Variants in ELF2 observed in about 807,000 individuals in gnomAD.
ELF2 encodes the protein E74 like ETS transcription factor 2.
Under a neutral mutation model 54.8 loss-of-function variants are expected in ELF2, and 11 were observed. The ratio of observed to expected loss-of-function variants is 0.20; its 90% CI spans 0.13 to 0.33. The LOEUF is 0.33. ELF2 is among the 10% of genes least tolerant of loss of function. The pLI, the probability that ELF2 is intolerant of heterozygous loss-of-function variation, is 1.00. For synonymous variants in ELF2, 203 were observed against 245.1 expected (o/e 0.83, Z 1.61); for missense variants, 513 against 703.0 (o/e 0.73, Z 3.06).
At chr4:139,111,225 TTGTA>T (rs1288911467) in intron 4 of ELF2, among the ~76,000 whole-genome samples, 2 of 152,232 alleles carry the variant, frequency 1.3e-5, no homozygotes, top group Non-Finnish European at 2.9e-5. Context: ...CAGCAGTTGT[TTGTA>T]TGCAGCGCTG....
chr4:139,095,032 T>C (rs1266951501), intron 4 of ELF2, among the ~76,000 whole-genome samples: 1 of 152,122 alleles, frequency 6.6e-6, no homozygotes, highest in Non-Finnish European at 1.5e-5. Flanking sequence ...TTAAGTCATC[T>C]GTAAATAATA....
At chr4:139,132,872 AT>A (rs1298919666) in intron 3 of ELF2, among the ~76,000 whole-genome samples, 31 of 90,816 alleles carry the variant, frequency 3.4e-4, no homozygotes, top group Non-Finnish European at 5.0e-4. Flanking sequence ...ATATATATAT[AT>A]AAAATATGTA....
chr4:139,068,309 G>A (rs1729017239), intron 6 of ELF2, among the ~76,000 whole-genome samples: 1 of 152,204 alleles, frequency 6.6e-6, no homozygotes, highest in Non-Finnish European at 1.5e-5. Flanking sequence ...GTGAGCCACT[G>A]TACCCGGCCT....
intron 3 of ELF2, among the ~76,000 whole-genome samples, chr4:139,134,515 C>T (rs1259688678): frequency 6.8e-6 from 1 of 147,862 alleles, no homozygotes; most frequent in Non-Finnish European, 1.5e-5. Flanking sequence ...TGCTACCATG[C>T]CTGGCTAGTA....
At chr4:139,084,068 C>G (rs1168671457) in intron 4 of ELF2, 1 of 1,609,792 alleles carries the variant, frequency 6.2e-7, no homozygotes, top group East Asian at 2.2e-5. Context: ...GGGAGTCACC[C>G]CGCCTTCTGT....
intron 4 of ELF2, among the ~76,000 whole-genome samples, chr4:139,074,901 G>GT (rs1730072416): frequency 6.6e-6 from 1 of 152,204 alleles, no homozygotes; most frequent in South Asian, 2.1e-4. Flanking sequence ...TATCTGCCAG[G>GT]TGGAGGAGAC....
chr4:139,125,248 G>C lies in ELF2; in HGVS notation c.154C>G (p.Gln52Glu), dbSNP rs1736800077. Residue 52 changes from glutamine (Q) to glutamate (E), a missense_variant, in exon 4 of 10, where the codon CAG becomes GAG. Gln to Glu is a conservative substitution (Grantham distance 29). Transcript: ENST00000686138. The part of the protein sequence containing the change: ...SARLEQGYAA[Q>E]VLVYDDETYM... Reference sequence around the variant, plus strand: ...GTCTCATCATCATAAACCAGAACCTGGGCTGCATAGCCCTGCTCTAATCTG... The same window carrying C: ...GTCTCATCATCATAAACCAGAACCTCGGCTGCATAGCCCTGCTCTAATCTG... 1 of 1,613,816 alleles carries C rather than the reference G, an allele frequency of 6.2e-7. No individual in the cohort carries two copies. The highest frequency in any genetic ancestry group is 8.5e-7 in the Non-Finnish European group (1 of 1,179,924).
chr4:139,132,749 TATTTACCTAAG>T (rs1476987084), intron 3 of ELF2, among the ~76,000 whole-genome samples: 1 of 151,340 alleles, frequency 6.6e-6, no homozygotes, highest in Non-Finnish European at 1.5e-5. Context: ...TTCCATTACA[TATTTACCTAAG>T]AGTCAAATTA....
intron 7 of ELF2, chr4:139,066,484 A>G (rs1196016588): frequency 6.6e-6 from 1 of 152,022 alleles, no homozygotes; most frequent in Non-Finnish European, 1.5e-5. Context: ...AATAAAAATA[A>G]TTTTAAAAAG....
chr4:139,153,974 C>CT lies in ELF2; in HGVS notation c.-251-14478dup, dbSNP rs1192850826. On this transcript the variant is annotated intron_variant, in intron 1 of 9. Transcript: ENST00000686138. ...TTCTTTCCCCTTTCCCTACTGTCCC[C>CT]TTTTTCCCCTTTAAAGGTTGAAGCC... 7.2e-5 allele frequency among the ~76,000 whole-genome samples: 11 copies of CT among 152,300 alleles called. No individual in the cohort carries two copies. The East Asian group carries it at 2.1e-3, about 29-fold the overall frequency.
At position 139,060,573 on chromosome 4, in the gene ELF2, T is replaced by C. The variant is rs1365100753; in HGVS notation, c.908A>G (p.Lys303Arg). The stretch of plus-strand genomic sequence containing the variant: ...TAAATCTTCATTACAGGTTTCACTT[T>C]TGTCATCATCTATGACCACTATGTT... ...PKNIVVIDDD[K>R]SETCNEDLAG... is the part of the protein sequence containing the mutation. Residue 303 changes from lysine to arginine, a missense_variant, in exon 9 of 10, where the codon AAA (lysine) becomes AGA (arginine). Transcript: ENST00000686138. 3.7e-6 allele frequency: 6 copies of C among 1,614,116 alleles called. No homozygotes were observed. Among genetic ancestry groups the C allele is most frequent in the Admixed American group, 3.3e-5 (2 of 60,014 alleles).
intron 4 of ELF2, among the ~76,000 whole-genome samples, chr4:139,094,940 C>T (rs1733091202): frequency 1.3e-5 from 2 of 151,680 alleles, no homozygotes; most frequent in African/African-American, 2.4e-5. Flanking sequence ...TTGATTATTG[C>T]TCTTGCATAC....
rs1560855444 is a variant in ELF2 at position 139,137,728 on chromosome 4, G to C, written c.-27C>G. On this transcript the variant is annotated 5_prime_UTR_variant, in exon 3 of 10. Coordinates refer to ENST00000686138, the MANE Select transcript of ELF2 (RefSeq NM_001331036.3). ...GTTATTCCCTGAGGAAGCTTCAAACGCTATTAATCAATGAAATTAAAGGTT... is the reference window on the plus strand; with the variant it reads ...GTTATTCCCTGAGGAAGCTTCAAACCCTATTAATCAATGAAATTAAAGGTT... 1 of 1,612,452 alleles carries C rather than the reference G, an allele frequency of 6.2e-7. No individual in the cohort carries two copies. Among genetic ancestry groups the C allele is most frequent in the African/African-American group, 1.3e-5 (1 of 74,856 alleles).
chr4:139,116,896 T>C (rs1735774139), intron 4 of ELF2: 1 of 171,844 alleles, frequency 5.8e-6, no homozygotes, highest in Non-Finnish European at 1.1e-5. Flanking sequence ...TTTGGCTCCT[T>C]ATCTTATTTT....
chr4:139,134,341 CTG>C (rs1445877333), intron 3 of ELF2, among the ~76,000 whole-genome samples: 1 of 151,254 alleles, frequency 6.6e-6, no homozygotes, highest in Non-Finnish European at 1.5e-5. Flanking sequence ...CTAGATTTGA[CTG>C]TTAGTTTTTT....
At chr4:139,161,027 T>TCTCCATGTGTGTATACACACACGTGTGC (rs1173383230) in intron 1 of ELF2, among the ~76,000 whole-genome samples, 1 of 152,200 alleles carries the variant, frequency 6.6e-6, no homozygotes, top group Non-Finnish European at 1.5e-5. Flanking sequence ...TCTGTGTGTG[T>TCTCCATGTGTGTATACACACACGTGTGC]CTCCATGTGT....
chr4:139,107,977 G>C (rs1447593666), intron 4 of ELF2, among the ~76,000 whole-genome samples: 4 of 150,570 alleles, frequency 2.7e-5, no homozygotes, highest in African/African-American at 4.9e-5. Context: ...AAAAAAAAAA[G>C]GCATGGTAAG....
rs140439816 is a variant in ELF2 at position 139,079,659 on chromosome 4, C to T, written c.239-6092G>A. On this transcript the variant is annotated intron_variant, in intron 4 of 9. Transcript: ENST00000686138. Reference sequence around the variant, plus strand: ...AGGAGCTGTGGCTCACACCTATAATCTCAGCACTTTGGGAGGCCAAGGCAG... The same window carrying T: ...AGGAGCTGTGGCTCACACCTATAATTTCAGCACTTTGGGAGGCCAAGGCAG... Among the ~76,000 whole-genome samples the T allele has an allele frequency of 9.7e-3, 1,473 of 152,308 alleles. 22 individuals carry two copies. Among genetic ancestry groups the T allele is most frequent in the African/African-American group, 0.033 (1,388 of 41,556 alleles).
rs993067755 is a variant in ELF2 at position 139,115,054 on chromosome 4, T to C, written c.238+10110A>G. The C allele has an allele frequency of 1.5e-5, 25 of 1,613,930 alleles. No individual in the cohort carries two copies. In the African/African-American group the frequency reaches 1.9e-4, roughly 12 times the overall value. ...CTCCTTGACCGTGGCAGCCCGGGCA[T>C]CGTCACTCTCCATGTCCAGGAGCTC... is the stretch of plus-strand genomic sequence containing the variant. On this transcript the variant is annotated intron_variant, in intron 4 of 9. Coordinates refer to ENST00000686138, the MANE Select transcript of ELF2 (RefSeq NM_001331036.3).
Sources: gnomAD v4.1 joint callset for allele counts (sites outside exome capture counted in the v4.1 genomes callset) on GRCh38, gnomAD v4.1.1 for gene constraint, MANE v1.5 for transcripts, NCBI Gene and HGNC (gene_info 2026-07-23, HGNC 2026-07-21) for gene names.